ERG: variants seen among roughly 807,000 people sequenced by gnomAD.
ERG encodes the protein ETS transcription factor ERG.
In ERG, 9 loss-of-function variants were observed where a neutral mutation model predicts 55.3. That is an observed-to-expected ratio of 0.16 (90% CI 0.10 to 0.28). The LOEUF (loss-of-function observed/expected upper bound fraction) is 0.28. ERG is among the 10% of genes least tolerant of loss of function. The pLI, the probability that ERG is intolerant of heterozygous loss-of-function variation, is 1.00. For synonymous variants in ERG, 223 were observed against 237.3 expected (o/e 0.94, Z 0.55); for missense variants, 434 against 631.6 (o/e 0.69, Z 3.35).
At chr21:38,401,310 A>C (rs1191341729) in intron 5 of ERG, among the ~76,000 whole-genome samples, 2 of 152,244 alleles carry the variant, frequency 1.3e-5, no homozygotes, top group African/African-American at 4.8e-5. Flanking sequence ...TAAATGTGAA[A>C]TTATCAGAAA....
chr21:38,412,812 C>T (rs1989118661), intron 3 of ERG, among the ~76,000 whole-genome samples: 1 of 152,068 alleles, frequency 6.6e-6, no homozygotes, highest in African/African-American at 2.4e-5. Context: ...GATCTCTCTT[C>T]AGCTATTTTT....
intron 1 of ERG, among the ~76,000 whole-genome samples, chr21:38,594,192 A>C (rs1485177298): frequency 6.6e-6 from 1 of 152,180 alleles, no homozygotes; most frequent in African/African-American, 2.4e-5. Flanking sequence ...CAGCTTTTCC[A>C]TTTCCACTGA....
intron 3 of ERG, among the ~76,000 whole-genome samples, chr21:38,404,698 T>C (rs1192753695): frequency 6.6e-6 from 1 of 152,208 alleles, no homozygotes; most frequent in African/African-American, 2.4e-5. Flanking sequence ...TTTCTGTGTC[T>C]GTCCCACCTG....
chr21:38,390,472 G>A (rs1032829579), intron 9 of ERG, among the ~76,000 whole-genome samples: 2 of 152,220 alleles, frequency 1.3e-5, no homozygotes, highest in African/African-American at 4.8e-5. Flanking sequence ...AGGTAATCAA[G>A]TTATAGTAAG....
At chr21:38,448,918 C>T (rs1451865240) in intron 1 of ERG, 2 of 152,262 alleles carry the variant, frequency 1.3e-5, no homozygotes, top group Non-Finnish European at 2.9e-5. Flanking sequence ...AGTTCTTTAA[C>T]TCCAGCTCTG....
At chr21:38,391,758 T>G in intron 7 of ERG, 43 bp from the exon 8 acceptor site, 1 of 1,506,394 alleles carries the variant, frequency 6.6e-7, no homozygotes, top group Non-Finnish European at 9.2e-7. Flanking sequence ...TATAACAGAT[T>G]TGGTCACTAG....
intron 1 of ERG, among the ~76,000 whole-genome samples, chr21:38,494,519 G>GTCATATT (rs1394682091): frequency 6.6e-6 from 1 of 152,140 alleles, no homozygotes; most frequent in African/African-American, 2.4e-5. Context: ...AAATGTATCA[G>GTCATATT]TCATATTTTC....
chr21:38,641,289 C>G (rs2146970575), intron 1 of ERG, among the ~76,000 whole-genome samples: 1 of 152,276 alleles, frequency 6.6e-6, no homozygotes, highest in South Asian at 2.1e-4. Context: ...CTCCCTTCAC[C>G]CCTTCTACCA....
At chr21:38,457,525 A>G (rs992080405) in intron 1 of ERG, among the ~76,000 whole-genome samples, 14 of 152,084 alleles carry the variant, frequency 9.2e-5, no homozygotes, top group African/African-American at 3.4e-4. Flanking sequence ...CAGCCTGGTG[A>G]CTTGAAATCT....
At chr21:38,425,829 T>C (rs974174534) in intron 2 of ERG, among the ~76,000 whole-genome samples, 1 of 152,144 alleles carries the variant, frequency 6.6e-6, no homozygotes, top group Non-Finnish European at 1.5e-5. Context: ...GTCAAAACCA[T>C]CTGAGGCAGG....
intron 2 of ERG, among the ~76,000 whole-genome samples, chr21:38,528,593 A>G (rs796753073): frequency 0.068 from 5,957 of 87,048 alleles, 1,515 homozygotes; most frequent in African/African-American, 0.21. Context: ...GACTACAGGC[A>G]CCCGCCACTA....
At chr21:38,516,038 G>A (rs2059549130) in intron 2 of ERG, among the ~76,000 whole-genome samples, 1 of 151,908 alleles carries the variant, frequency 6.6e-6, no homozygotes, top group Non-Finnish European at 1.5e-5. Context: ...ACTGAACGGG[G>A]AAAGGCGGAA....
chr21:38,642,611 G>A (rs1197160199), intron 1 of ERG, among the ~76,000 whole-genome samples: 1 of 152,182 alleles, frequency 6.6e-6, no homozygotes, highest in East Asian at 1.9e-4. Flanking sequence ...AAGTCTGGCT[G>A]CCTCAAACTC....
intron 1 of ERG, among the ~76,000 whole-genome samples, chr21:38,486,123 C>T (rs180685172): frequency 4.7e-5 from 7 of 149,422 alleles, no homozygotes; most frequent in South Asian, 4.3e-4. Context: ...TTAGTAGAGA[C>T]GGGATTTCAC....
intron 1 of ERG, among the ~76,000 whole-genome samples, chr21:38,647,089 A>G (rs535705631): frequency 9.8e-5 from 15 of 152,294 alleles, no homozygotes; most frequent in African/African-American, 3.1e-4. Flanking sequence ...TCATACGTGG[A>G]AAACATGTGG....
At chr21:38,405,761 G>C (rs1478648413) in intron 3 of ERG, among the ~76,000 whole-genome samples, 1 of 152,148 alleles carries the variant, frequency 6.6e-6, no homozygotes, top group Non-Finnish European at 1.5e-5. Flanking sequence ...TGAGTACCTA[G>C]ATACGGGATT....
At chr21:38,444,105 A>G (rs1328874410) in intron 2 of ERG, among the ~76,000 whole-genome samples, 1 of 152,214 alleles carries the variant, frequency 6.6e-6, no homozygotes, top group African/African-American at 2.4e-5. Context: ...CATTAACACC[A>G]CACTAGGAAT....
chr21:38,486,705 C>CATT, intron 1 of ERG, among the ~76,000 whole-genome samples: 1 of 152,144 alleles, frequency 6.6e-6, no homozygotes, highest in Middle Eastern at 3.4e-3. Flanking sequence ...TAACAGCTAA[C>CATT]ATTATTATTA....
At chr21:38,625,915 C>CTT (rs397797559) in intron 1 of ERG, among the ~76,000 whole-genome samples, 1,762 of 84,378 alleles carry the variant, frequency 0.021, 6 homozygotes, top group African/African-American at 0.022. Flanking sequence ...ACTTGAAGCT[C>CTT]TTTTTTTTTT....
Sources: allele counts gnomAD v4.1 joint callset (sites outside exome capture counted in the v4.1 genomes callset), GRCh38; gene constraint gnomAD v4.1.1; transcripts MANE v1.5; gene names NCBI Gene and HGNC (gene_info 2026-07-23, HGNC 2026-07-21).